The following BTBD6 variants were observed in gnomAD, a reference collection of about 807,000 sequenced individuals.
The protein encoded by BTBD6 is BTB/POZ domain-containing protein 6.
In BTBD6, 30 loss-of-function variants were observed where a neutral mutation model predicts 40.6. The observed-to-expected ratio is 0.74, with a 90% confidence interval of 0.55 to 1.00. The LOEUF (loss-of-function observed/expected upper bound fraction) is 1.00. Ranked by LOEUF, BTBD6 falls within the 50% of genes least tolerant of loss-of-function variation. BTBD6 has a pLI of 0.00. For missense variants in BTBD6, 698 were observed against 694.6 expected (o/e 1.00, Z -0.06); for synonymous variants, 378 against 308.7 (o/e 1.22, Z -2.35).
chr14:105,249,918 T>C lies in BTBD6; in HGVS notation c.863T>C (p.Ile288Thr), dbSNP rs1467122463. The change falls in exon 4 of 4, where the codon ATT becomes ACT. Residue 288 changes from isoleucine to threonine, a missense_variant. Coordinates refer to ENST00000392554, the MANE Select transcript of BTBD6 (RefSeq NM_001387567.1). ...ATAGACCGGCAGACGCTGGAGATCA[T>C]TGTCACTCGGGAGGCCCTCAACACC... ...CEIDRQTLEI[I>T]VTREALNTKE... is the part of the protein sequence containing the mutation. 2.5e-6 allele frequency: 4 copies of C among 1,611,432 alleles called. No homozygotes were observed. Among genetic ancestry groups the C allele is most frequent in the African/African-American group, 1.3e-5 (1 of 75,046 alleles).
rs2055304307 is a variant in BTBD6 at position 105,248,569 on chromosome 14, T to TCAGG, written c.-142_-141insAGGC. 3.7e-6 allele frequency: 2 copies of TCAGG among 536,822 alleles called. No homozygotes were observed. Among genetic ancestry groups the TCAGG allele is most frequent in the African/African-American group, 6.3e-5 (2 of 31,574 alleles). 33.3% of individuals were successfully genotyped at this position (536,822 alleles called of 1,614,324 possible). ...CACCGGCGCCGCGGCGGGTACGGGC[T>TCAGG]CGGGCGGGCGGGCGGGCGGGACGGC... On this transcript the variant is annotated 5_prime_UTR_variant, in exon 1 of 4. Coordinates refer to ENST00000392554, the MANE Select transcript of BTBD6 (RefSeq NM_001387567.1).
In BTBD6 at chr14:105,250,445, A is replaced by G. The variant is rs758211323; in HGVS notation, c.1390A>G (p.Ser464Gly). ...NLTKFMSDGS[S>G]NTFPVWFEHP... ...GACCAAGTTCATGTCAGACGGATCCAGTAACACCTTCCCGGTCTGGTTTGA... is the reference window on the plus strand; with the variant it reads ...GACCAAGTTCATGTCAGACGGATCCGGTAACACCTTCCCGGTCTGGTTTGA... Residue 464 changes from serine (S) to glycine (G), a missense_variant, in exon 4 of 4, where the codon AGT becomes GGT. Transcript: ENST00000392554. 4 of 1,614,028 alleles carry G rather than the reference A, an allele frequency of 2.5e-6. No homozygotes were observed. In the East Asian group the frequency reaches 8.9e-5, roughly 36 times the overall value.
Position 105,249,434 on chromosome 14 carries a change from T to C in BTBD6, c.540T>C (p.Ile180=), listed in dbSNP as rs904060023. ...ACCTGGCGGAAGTCAAATCTGAAAT[T>C]CACATTCCAGACGTGGAGCCCGCAG... ...YGDLAEVKSE[I]HIPDVEPAAF... is the part of the protein sequence containing the mutation. Residue 180 remains isoleucine, a synonymous_variant, in exon 3 of 4, where the codon ATT becomes ATC. Coordinates refer to ENST00000392554, the MANE Select transcript of BTBD6 (RefSeq NM_001387567.1). 1 of 1,610,410 alleles carries C rather than the reference T, an allele frequency of 6.2e-7. No individual in the cohort carries two copies. The highest frequency in any genetic ancestry group is 8.5e-7 in the Non-Finnish European group (1 of 1,178,354).
rs144025748 is a variant in BTBD6, at chr14:105,250,516, C to G, written c.1461C>G (p.Ala487=). The change falls in exon 4 of 4, where the codon GCC becomes GCG. Residue 487 remains alanine, a synonymous_variant. Coordinates refer to ENST00000392554, the MANE Select transcript of BTBD6 (RefSeq NM_001387567.1). ...AAGACACCTTCTACACGGCCAGTGC[C>G]GTCCTGGACGGCAGCGAACTCAGCT... ...VEQDTFYTAS[A]VLDGSELSYF... is the part of the protein sequence containing the mutation. 1.8e-4 allele frequency: 289 copies of G among 1,613,958 alleles called. No homozygotes were observed. The highest frequency in any genetic ancestry group is 3.7e-4 in the Admixed American group (22 of 60,000).
At position 105,249,697 on chromosome 14, in the gene BTBD6, C is replaced by T. The variant is rs2816606; in HGVS notation, c.642C>T (p.Tyr214=). ...CCGACACGGTGCTGGCCACTCTGTA[C>T]GCTGCTAAGAAGTACATCGTCCCAG... is the stretch of plus-strand genomic sequence containing the variant. ...LEADTVLATL[Y]AAKKYIVPAL... is the part of the protein sequence containing the mutation. Residue 214 remains tyrosine, a synonymous_variant, in exon 4 of 4, where the codon TAC becomes TAT. Coordinates refer to ENST00000392554, the MANE Select transcript of BTBD6 (RefSeq NM_001387567.1). 0.26 allele frequency: 415,774 copies of T among 1,613,476 alleles called. 55,270 individuals are homozygous for T. The highest frequency in any genetic ancestry group is 0.29 in the Middle Eastern group (1,736 of 6,062).
Position 105,249,812 on chromosome 14 carries a change from G to C in BTBD6, c.757G>C (p.Glu253Gln). 6.2e-7 allele frequency: 1 copy of C among 1,613,734 alleles called. No homozygotes were observed. The highest frequency in any genetic ancestry group is 1.6e-4 in the Middle Eastern group (1 of 6,062). Reference sequence around the variant, plus strand: ...GCTGTCCCAGAGCCGGCTGTTTGAGGAGCCCGAGCTGACGCAGCGCTGCTG... The same window carrying C: ...GCTGTCCCAGAGCCGGCTGTTTGAGCAGCCCGAGCTGACGCAGCGCTGCTG... The part of the protein sequence containing the change: ...VLLSQSRLFE[E>Q]PELTQRCWEV... Residue 253 changes from glutamate (E) to glutamine (Q), a missense_variant, in exon 4 of 4, where the codon GAG becomes CAG. Physicochemically the swap from Glu to Gln is conservative, Grantham distance 29. Transcript: ENST00000392554.
Position 105,248,569 on chromosome 14 carries a change from T to TACGGGCGCGGGCGGG in BTBD6, c.-143_-142insACGGGCGCGGGCGGG, listed in dbSNP as rs1220722542. ...CACCGGCGCCGCGGCGGGTACGGGCTCGGGCGGGCGGGCGGGCGGGACGGC... is the reference window on the plus strand; with the variant it reads ...CACCGGCGCCGCGGCGGGTACGGGCTACGGGCGCGGGCGGGCGGGCGGGCGGGCGGGCGGGACGGC... On this transcript the variant is annotated 5_prime_UTR_variant, in exon 1 of 4. Transcript: ENST00000392554. The TACGGGCGCGGGCGGG allele has an allele frequency of 1.9e-6, 1 of 536,822 alleles. No individual in the cohort carries two copies. The highest frequency in any genetic ancestry group is 2.2e-6 in the Non-Finnish European group (1 of 447,664). 33.3% of individuals were successfully genotyped at this position (536,822 alleles called of 1,614,324 possible).
In BTBD6 at chr14:105,248,570, C is replaced by G. The variant is rs2055304136; in HGVS notation, c.-142C>G. The G allele has an allele frequency of 1.6e-4, 4 of 24,246 alleles. No individual in the cohort carries two copies. Among genetic ancestry groups the G allele is most frequent in the African/African-American group, 4.3e-4 (1 of 2,342 alleles). 1.5% of individuals were successfully genotyped at this position (24,246 alleles called of 1,614,324 possible). Reference sequence around the variant, plus strand: ...ACCGGCGCCGCGGCGGGTACGGGCTCGGGCGGGCGGGCGGGCGGGACGGCG... The same window carrying G: ...ACCGGCGCCGCGGCGGGTACGGGCTGGGGCGGGCGGGCGGGCGGGACGGCG... On this transcript the variant is annotated 5_prime_UTR_variant, in exon 1 of 4. Coordinates refer to ENST00000392554, the MANE Select transcript of BTBD6 (RefSeq NM_001387567.1).
At position 105,249,831 on chromosome 14, in the gene BTBD6, G is replaced by A. The variant is rs1350081121; in HGVS notation, c.776G>A (p.Arg259His). Residue 259 changes from arginine (R) to histidine (H), a missense_variant, in exon 4 of 4, where the codon CGC becomes CAC. Coordinates refer to ENST00000392554, the MANE Select transcript of BTBD6 (RefSeq NM_001387567.1). ...RLFEEPELTQ[R>H]CWEVIDAQAE... ...TTTGAGGAGCCCGAGCTGACGCAGCGCTGCTGGGAGGTCATTGACGCACAG... is the reference window on the plus strand; with the variant it reads ...TTTGAGGAGCCCGAGCTGACGCAGCACTGCTGGGAGGTCATTGACGCACAG... 13 of 1,613,434 alleles carry A rather than the reference G, an allele frequency of 8.1e-6. No individual in the cohort carries two copies. The highest frequency in any genetic ancestry group is 5.5e-5 in the South Asian group (5 of 91,090).
At position 105,249,050 on chromosome 14, in the gene BTBD6, C is replaced by CG; in HGVS notation, c.341dup (p.Trp115LeufsTer65). 7.8e-7 allele frequency: 1 copy of CG among 1,286,030 alleles called. No homozygotes were observed. The highest frequency in any genetic ancestry group is 9.8e-7 in the Non-Finnish European group (1 of 1,025,572). The allele number at this position is 1,286,030 out of a possible 1,614,324, so 79.7% of individuals were successfully genotyped here. ...TCGGCAACAACCACCAGGAGAGCCCCGGCTGGCGGTGCTGCCGCCCCACGC... is the reference window on the plus strand; with the variant it reads ...TCGGCAACAACCACCAGGAGAGCCCCGGGCTGGCGGTGCTGCCGCCCCACGC... On this transcript the variant is annotated frameshift_variant, in exon 1 of 4. Transcript: ENST00000392554. LOFTEE classifies it high-confidence loss of function.
At chr14:105,249,284 G>C (rs979960030) in intron 2 of BTBD6, 37 bp downstream of exon 2, 1 of 1,559,718 alleles carries the variant, frequency 6.4e-7, no homozygotes, top group Non-Finnish European at 8.7e-7. Context: ...CGCGTGCCCC[G>C]TCCGCCCCGT....
At position 105,249,953 on chromosome 14, in the gene BTBD6, G is replaced by A. The variant is rs148972195; in HGVS notation, c.898G>A (p.Val300Met). 218 of 1,612,148 alleles carry A rather than the reference G, an allele frequency of 1.4e-4. 3 individuals are homozygous for A. The South Asian group carries it at 1.5e-3, about 11-fold the overall frequency. ...GGAGGCCCTCAACACCAAAGAGGCG[G>A]TGGTCTTCGAGGCCGTCCTGAACTG... ...TREALNTKEA[V>M]VFEAVLNWAE... The change falls in exon 4 of 4, where the codon GTG becomes ATG. Residue 300 changes from valine (V) to methionine (M), a missense_variant. Val to Met is a conservative substitution (Grantham distance 21). Transcript: ENST00000392554.
Position 105,248,834 on chromosome 14 carries a change from A to C in BTBD6, c.123A>C (p.Thr41=). The C allele has an allele frequency of 1.0e-6, 1 of 987,996 alleles. No homozygotes were observed. The highest frequency in any genetic ancestry group is 1.2e-6 in the Non-Finnish European group (1 of 833,286). The allele number at this position is 987,996 out of a possible 1,614,324, so 61.2% of individuals were successfully genotyped here. The change falls in exon 1 of 4, where the codon ACA becomes ACC. Residue 41 remains threonine, a synonymous_variant. Transcript: ENST00000392554. Reference sequence around the variant, plus strand: ...CGAGGGCGCGGGGCGCGGCGTCCACAGGCGCCGAGGCTGCCCCCGCCGCCC... The same window carrying C: ...CGAGGGCGCGGGGCGCGGCGTCCACCGGCGCCGAGGCTGCCCCCGCCGCCC... ...RGARARGAAS[T]GAEAAPAAPP... is the part of the protein sequence containing the mutation.
rs759105878 is a variant in BTBD6 at position 105,250,495 on chromosome 14, C to T, written c.1440C>T (p.Asp480=). ...WFEHPVQVEQ[D]TFYTASAVLD... ...AACACCCGGTCCAGGTTGAACAAGA[C>T]ACCTTCTACACGGCCAGTGCCGTCC... Residue 480 remains aspartate, a synonymous_variant, in exon 4 of 4, where the codon GAC becomes GAT. Transcript: ENST00000392554. 97 of 1,613,972 alleles carry T rather than the reference C, an allele frequency of 6.0e-5. No homozygotes were observed. Among genetic ancestry groups the T allele is most frequent in the Non-Finnish European group, 7.5e-5 (88 of 1,180,048 alleles).
intron 2 of BTBD6, 45 bp downstream of exon 2, chr14:105,249,292 CGTCCGCCGTGTG>C: frequency 6.4e-7 from 1 of 1,571,642 alleles, no homozygotes; most frequent in Non-Finnish European, 8.6e-7. Context: ...CCGTCCGCCC[CGTCCGCCGTGTG>C]GCTGACACGC....
In BTBD6 at chr14:105,250,488, A is replaced by C; in HGVS notation, c.1433A>C (p.Glu478Ala). ...PVWFEHPVQVEQDTFYTASAV... is the reference protein window; with the variant it reads ...PVWFEHPVQVAQDTFYTASAV... ...TGGTTTGAACACCCGGTCCAGGTTG[A>C]ACAAGACACCTTCTACACGGCCAGT... The change falls in exon 4 of 4, where the codon GAA (glutamate) becomes GCA (alanine). Residue 478 changes from glutamate to alanine, a missense_variant. By Grantham distance (107) the Glu-to-Ala change is moderately radical. Coordinates refer to ENST00000392554, the MANE Select transcript of BTBD6 (RefSeq NM_001387567.1). 6.2e-7 allele frequency: 1 copy of C among 1,614,012 alleles called. No homozygotes were observed. The highest frequency in any genetic ancestry group is 8.5e-7 in the Non-Finnish European group (1 of 1,180,034).
rs2055503209 is a variant in BTBD6 at position 105,250,076 on chromosome 14, A to G, written c.1021A>G (p.Met341Val). Residue 341 changes from methionine to valine, a missense_variant, in exon 4 of 4, where the codon ATG becomes GTG. By Grantham distance (21) the Met-to-Val change is conservative. Coordinates refer to ENST00000392554, the MANE Select transcript of BTBD6 (RefSeq NM_001387567.1). ...CCTCTATCTGGTCCGAATTCCAACC[A>G]TGACCCTAGAGGAGTTTGCCAACGG... ...RALYLVRIPT[M>V]TLEEFANGAA... 3 of 1,612,868 alleles carry G rather than the reference A, an allele frequency of 1.9e-6. No homozygotes were observed. The highest frequency in any genetic ancestry group is 1.7e-5 in the Admixed American group (1 of 60,006).
Position 105,248,585 on chromosome 14 carries a change from GCGGGA to G in BTBD6, c.-123_-119del, listed in dbSNP as rs2055318852. 1 of 609,948 alleles carries G rather than the reference GCGGGA, an allele frequency of 1.6e-6. No individual in the cohort carries two copies. The highest frequency in any genetic ancestry group is 6.8e-5 in the Admixed American group (1 of 14,704). 37.8% of individuals were successfully genotyped at this position (609,948 alleles called of 1,614,324 possible). On this transcript the variant is annotated 5_prime_UTR_variant, in exon 1 of 4. Coordinates refer to ENST00000392554, the MANE Select transcript of BTBD6 (RefSeq NM_001387567.1). Reference sequence around the variant, plus strand: ...GGTACGGGCTCGGGCGGGCGGGCGGGCGGGACGGCGCCCCCCGCGGCCGGGCCTGG... The same window carrying G: ...GGTACGGGCTCGGGCGGGCGGGCGGGCGGCGCCCCCCGCGGCCGGGCCTGG...
At chr14:105,249,508 T>A in intron 3 of BTBD6, 30 bp downstream of exon 3, 1 of 1,107,390 alleles carries the variant, frequency 9.0e-7, no homozygotes, top group Non-Finnish European at 1.3e-6. Context: ...GAGGGACGGG[T>A]GGGTCCGTTT....
Sources: gnomAD v4.1 joint callset for allele counts on GRCh38, gnomAD v4.1.1 for gene constraint, MANE v1.5 for transcripts, NCBI Gene and HGNC (gene_info 2026-07-23, HGNC 2026-07-21) for gene names.